Variants in CNGB3 observed in about 807,000 individuals in gnomAD.
CNGB3 encodes cyclic nucleotide-gated channel beta-3.
A neutral mutation model predicts 92.8 loss-of-function variants in CNGB3; 86 were observed. The observed-to-expected ratio is 0.93, with a 90% CI of 0.78 to 1.11. CNGB3 has a LOEUF of 1.11. Ranked by LOEUF, CNGB3 falls within the 50% of genes least tolerant of loss-of-function variation. CNGB3 has a pLI of 0.00. For synonymous variants in CNGB3, 333 were observed against 332.7 expected (o/e 1.00, Z -0.01); for missense variants, 1,026 against 956.8 (o/e 1.07, Z -0.95).
In CNGB3 at chr8:86,589,493, T is replaced by G. The variant is rs544616605; in HGVS notation, c.1782-10241A>C. Among the ~76,000 whole-genome samples, 154 of 152,236 alleles carry G rather than the reference T, an allele frequency of 1.0e-3. 2 individuals are homozygous for G. The highest frequency in any genetic ancestry group is 3.5e-3 in the African/African-American group (144 of 41,506). On this transcript the variant is annotated intron_variant, in intron 15 of 17. Transcript: ENST00000320005. ...GGGCATTTAGTGCTATAAATTTCCC[T>G]CTACACACTGCTTTGAATGAGTCCC...
intron 13 of CNGB3, among the ~76,000 whole-genome samples, chr8:86,616,842 A>T (rs1412319328): frequency 6.6e-6 from 1 of 152,194 alleles, no homozygotes; most frequent in East Asian, 1.9e-4. Flanking sequence ...CTAAGGTCAC[A>T]CATGCGGTAG....
chr8:86,659,208 T>C (rs1284529577), intron 6 of CNGB3: 6 of 722,818 alleles, frequency 8.3e-6, no homozygotes, highest in African/African-American at 5.2e-5. Flanking sequence ...CATCCTCTGC[T>C]ACCGCATGGC....
At chr8:86,641,409 C>A (rs1380136187) in intron 10 of CNGB3, among the ~76,000 whole-genome samples, 1 of 151,908 alleles carries the variant, frequency 6.6e-6, no homozygotes, top group African/African-American at 2.4e-5. Flanking sequence ...CACTTTATTC[C>A]ATGGACTTGC....
chr8:86,625,905 C>A, intron 13 of CNGB3, 78 bp downstream of exon 13: 1 of 1,212,210 alleles, frequency 8.2e-7, no homozygotes, highest in South Asian at 1.3e-5. Context: ...CAAAAAAACT[C>A]ATAAATGCTG....
intron 15 of CNGB3, among the ~76,000 whole-genome samples, chr8:86,592,903 T>C (rs1992405): frequency 0.65 from 98,916 of 152,068 alleles, 34,652 homozygotes; most frequent in Non-Finnish European, 0.78. Context: ...GGAAACACTT[T>C]ATTCCTTGCA....
At position 86,574,917 on chromosome 8, in the gene CNGB3, C is replaced by T. The variant is rs1015011118; in HGVS notation, c.*887G>A. The T allele has an allele frequency of 2.6e-5, 4 of 152,100 alleles. No individual in the cohort carries two copies. The highest frequency in any genetic ancestry group is 9.7e-5 in the African/African-American group (4 of 41,404). The allele number at this position is 152,100 out of a possible 1,614,324, so 9.4% of individuals were successfully genotyped here. A position where few individuals can be genotyped will look rare whatever the true frequency, so the allele number is the denominator to read the frequency against. ...ACATGTGTAGAGTCTGCCTTCCTAA[C>T]CTCATCACTTTGTTTTACTAAAGCT... On this transcript the variant is annotated 3_prime_UTR_variant, in exon 18 of 18. Coordinates refer to ENST00000320005, the MANE Select transcript of CNGB3 (RefSeq NM_019098.5).
In CNGB3 at chr8:86,671,038, G is replaced by C; in HGVS notation, c.399C>G (p.His133Gln). The C allele has an allele frequency of 6.2e-7, 1 of 1,613,912 alleles. No homozygotes were observed. The highest frequency in any genetic ancestry group is 1.3e-5 in the African/African-American group (1 of 74,990). The change falls in exon 4 of 18, where the codon CAC (histidine) becomes CAG (glutamine). Residue 133 changes from histidine to glutamine, a missense_variant. Physicochemically the swap from His to Gln is conservative, Grantham distance 24. Coordinates refer to ENST00000320005, the MANE Select transcript of CNGB3 (RefSeq NM_019098.5). ...VINEYADAQL[H>Q]NLVKRMRQRT... ...TTTGACGCATTCTTTTCACCAGGTT[G>C]TGTAGCTGGGCATCGGCATACTCAT...
In CNGB3 at chr8:86,576,119, A is replaced by G. The variant is rs1348558219; in HGVS notation, c.2115T>C (p.Asn705=). 1.3e-6 allele frequency: 2 copies of G among 1,598,646 alleles called. No individual in the cohort carries two copies. Among genetic ancestry groups the G allele is most frequent in the East Asian group, 4.5e-5 (2 of 44,622 alleles). ...KREQAAQKKE[N]SEGGEEEGKE... is the part of the protein sequence containing the mutation. ...TTCCTTCTTCCTCTCCTCCTTCAGA[A>G]TTTTCTTTCTTCTGGAAGGAGCAAT... Residue 705 remains asparagine (N), a synonymous_variant, in exon 18 of 18, where the codon AAT becomes AAC. Transcript: ENST00000320005.
In CNGB3 at chr8:86,726,417, A is replaced by G. The variant is rs537883462; in HGVS notation, c.338+114T>C. On this transcript the variant is annotated intron_variant, in intron 3 of 17. Coordinates refer to ENST00000320005, the MANE Select transcript of CNGB3 (RefSeq NM_019098.5). ...CACAGTTTTTTTGTGTTATGTGACT[A>G]TTGAATTTTTTCTGCCCTTATATTC... The G allele has an allele frequency of 3.2e-5, 45 of 1,413,702 alleles. No individual in the cohort carries two copies. The African/African-American group carries it at 5.9e-4, about 19-fold the overall frequency. The allele number at this position is 1,413,702 out of a possible 1,614,324, so 87.6% of individuals were successfully genotyped here.
intron 3 of CNGB3, among the ~76,000 whole-genome samples, chr8:86,678,245 A>T (rs1412353395): frequency 3.3e-5 from 5 of 152,218 alleles, no homozygotes; most frequent in African/African-American, 1.2e-4. Context: ...GTGAGAATAC[A>T]TTTCTGAGTG....
In CNGB3 at chr8:86,578,556, A is replaced by G; in HGVS notation, c.2103+133T>C. On this transcript the variant is annotated intron_variant, in intron 17 of 17. Transcript: ENST00000320005. ...TTAAATAATAATGTGCTATATATAA[A>G]GCAGGAAGTATTAGTATTAGATTAG... 5.9e-6 allele frequency: 5 copies of G among 853,364 alleles called. No individual in the cohort carries two copies. The South Asian group carries it at 6.7e-5, about 12-fold the overall frequency. The allele number at this position is 853,364 out of a possible 1,614,324, so 52.9% of individuals were successfully genotyped here.
chr8:86,666,068 A>C (rs1823734816), intron 6 of CNGB3, among the ~76,000 whole-genome samples: 1 of 152,218 alleles, frequency 6.6e-6, no homozygotes, highest in Admixed American at 6.5e-5. Context: ...ATTACAGCCT[A>C]GTACTTTCTC....
rs1052078370 is a variant in CNGB3, at chr8:86,739,658, G to C, written c.208C>G (p.Gln70Glu). ...TTTTTTCAGACTGCATTCTGACCTT[G>C]TATGTTGGTGTGTGGCTCTTCAGAC... ...VTSEEPHTNI[Q>E]DKLSKKNSSG... is the part of the protein sequence containing the mutation. Residue 70 changes from glutamine to glutamate, a missense_variant, in exon 2 of 18, where the codon CAA (glutamine) becomes GAA (glutamate). Transcript: ENST00000320005. 21 of 1,538,752 alleles carry C rather than the reference G, an allele frequency of 1.4e-5. No homozygotes were observed. Among genetic ancestry groups the C allele is most frequent in the Non-Finnish European group, 1.8e-5 (21 of 1,138,488 alleles).
In CNGB3 at chr8:86,632,771, A is replaced by G. The variant is rs2131585394; in HGVS notation, c.1301T>C (p.Phe434Ser). The G allele has an allele frequency of 1.2e-6, 2 of 1,613,222 alleles. No individual in the cohort carries two copies. Among genetic ancestry groups the G allele is most frequent in the Non-Finnish European group, 1.7e-6 (2 of 1,179,802 alleles). ...LLNFFSGVFV[F>S]SSLIGQMRDV... Reference sequence around the variant, plus strand: ...GCTTACCTGACCAATTAAACTGGAGAACACAAAAACTCCAGAAAAAAAATT... The same window carrying G: ...GCTTACCTGACCAATTAAACTGGAGGACACAAAAACTCCAGAAAAAAAATT... Residue 434 changes from phenylalanine (F) to serine (S), a missense_variant, in exon 11 of 18, where the codon TTC becomes TCC. Transcript: ENST00000320005.
At chr8:86,735,616 C>G (rs1428456219) in intron 2 of CNGB3, among the ~76,000 whole-genome samples, 8 of 152,246 alleles carry the variant, frequency 5.3e-5, no homozygotes, top group South Asian at 2.1e-4. Flanking sequence ...GTCCCTTCCT[C>G]CACCTCCAGA....
chr8:86,661,335 C>T, intron 6 of CNGB3: 1 of 395,362 alleles, frequency 2.5e-6, no homozygotes. Flanking sequence ...AAATCCTTTT[C>T]AAGCAATATT....
intron 17 of CNGB3, among the ~76,000 whole-genome samples, chr8:86,577,135 A>C (rs1821677256): frequency 1.3e-5 from 1 of 75,376 alleles, no homozygotes; most frequent in African/African-American, 4.6e-5. Flanking sequence ...AAAAAAAAAG[A>C]GAGAGAGAGA....
At chr8:86,629,402 A>T (rs1215672079) in intron 11 of CNGB3, among the ~76,000 whole-genome samples, 1 of 152,242 alleles carries the variant, frequency 6.6e-6, no homozygotes, top group Non-Finnish European at 1.5e-5. Flanking sequence ...GCATAGGACT[A>T]CACATAGTCT....
intron 7 of CNGB3, among the ~76,000 whole-genome samples, chr8:86,649,471 A>T (rs2131599138): frequency 6.6e-6 from 1 of 151,872 alleles, no homozygotes; most frequent in South Asian, 2.1e-4. Flanking sequence ...AAGGAACAGA[A>T]TAGAGAACCC....
Sources: allele counts gnomAD v4.1 joint callset (sites outside exome capture counted in the v4.1 genomes callset), GRCh38; gene constraint gnomAD v4.1.1; transcripts MANE v1.5; gene names NCBI Gene and HGNC (gene_info 2026-07-23, HGNC 2026-07-21).